The following PRKCE variants were observed in gnomAD, a reference collection of about 807,000 sequenced individuals.
The protein encoded by PRKCE is protein kinase C epsilon, also known as protein kinase C epsilon type.
In PRKCE, 16 loss-of-function variants were observed where a neutral mutation model predicts 85.4. That is an observed-to-expected ratio of 0.19 (90% CI 0.13 to 0.28). The LOEUF is 0.28. Among genes scored for constraint, PRKCE ranks in the 10% least tolerant of loss-of-function variants. The pLI is 1.00. For missense variants in PRKCE, 573 were observed against 975.2 expected (o/e 0.59, Z 5.49); for synonymous variants, 388 against 371.5 (o/e 1.04, Z -0.51).
At chr2:45,870,939 G>A (rs976638620) in intron 2 of PRKCE, among the ~76,000 whole-genome samples, 2 of 152,208 alleles carry the variant, frequency 1.3e-5, no homozygotes, top group African/African-American at 4.8e-5. Context: ...GGGGGAATGG[G>A]CTCCCCAGAA....
chr2:46,001,281 T>A lies in PRKCE; in HGVS notation c.824-123T>A. ...TATATATATATATATATTTCTGTAT[T>A]TTCCAAATTATATCTTAAATGAACA... On this transcript the variant is annotated intron_variant, in intron 6 of 14. Coordinates refer to ENST00000306156, the MANE Select transcript of PRKCE (RefSeq NM_005400.3). This position sits in a 1 kb window ranked among gnomAD's most constrained non-coding sequence, Gnocchi z 4.4. 2 of 768,554 alleles carry A rather than the reference T, an allele frequency of 2.6e-6. No individual in the cohort carries two copies. Among genetic ancestry groups the A allele is most frequent in the Non-Finnish European group, 3.5e-6 (2 of 572,064 alleles). The allele number at this position is 768,554 out of a possible 1,614,324, so 47.6% of individuals were successfully genotyped here. A position where few individuals can be genotyped will look rare whatever the true frequency, so the allele number is the denominator to read the frequency against.
intron 11 of PRKCE, among the ~76,000 whole-genome samples, chr2:46,088,042 C>A (rs1574438216): frequency 1.3e-5 from 2 of 152,136 alleles, no homozygotes; most frequent in East Asian, 1.9e-4. Context: ...TCTGCAAAAT[C>A]CCTTTGCCAT....
chr2:46,048,346 A>T (rs1338645227), intron 10 of PRKCE, among the ~76,000 whole-genome samples: 1 of 152,200 alleles, frequency 6.6e-6, no homozygotes, highest in Non-Finnish European at 1.5e-5. Flanking sequence ...GAAAAGTCTC[A>T]AGGGTATTAA....
At chr2:45,919,161 G>T (rs1189698242) in intron 2 of PRKCE, among the ~76,000 whole-genome samples, 1 of 152,228 alleles carries the variant, frequency 6.6e-6, no homozygotes, top group African/African-American at 2.4e-5. Flanking sequence ...AGATGAGTAG[G>T]GGTTGTGGGG....
In PRKCE at chr2:46,161,125, A is replaced by G. The variant is rs151102685; in HGVS notation, c.2067+1373A>G. Among the ~76,000 whole-genome samples, 18 of 152,360 alleles carry G rather than the reference A, an allele frequency of 1.2e-4. No individual in the cohort carries two copies. The East Asian group carries it at 1.4e-3, about 11-fold the overall frequency. On this transcript the variant is annotated intron_variant, in intron 14 of 14. Transcript: ENST00000306156. ...CCACCATTCCAAGCCAGGAGGGCGT[A>G]GACTCTAAGCTCCCTGGGTTAACTG...
chr2:45,976,394 A>G (rs748867422), intron 2 of PRKCE, 35 bp from the exon 3 acceptor site: 12 of 1,590,882 alleles, frequency 7.5e-6, no homozygotes, highest in Admixed American at 5.0e-5. Flanking sequence ...ACTAACCCAG[A>G]CTCCGTTTTC....
chr2:45,926,186 G>A (rs938528008), intron 2 of PRKCE, among the ~76,000 whole-genome samples: 5 of 152,184 alleles, frequency 3.3e-5, no homozygotes, highest in Non-Finnish European at 4.4e-5. Context: ...GCTGCTCAGC[G>A]GCTGACTGCT....
intron 10 of PRKCE, among the ~76,000 whole-genome samples, chr2:46,074,429 CAAAAAAAAAAAA>C (rs11287357): frequency 3.2e-5 from 3 of 93,862 alleles, no homozygotes; most frequent in South Asian, 8.1e-4. Context: ...CAACAACAAC[CAAAAAAAAAAAA>C]AAAAAAAGAA....
rs1431450618 is a variant in PRKCE, at chr2:45,651,729, C to G, written c.-372C>G. ...GTAGGTAAGCGCCGGGCGCGGCGCC[C>G]GCTTTCCCGCAGTCCGGAGCCGGAG... On this transcript the variant is annotated 5_prime_UTR_variant, in exon 1 of 15. Coordinates refer to ENST00000306156, the MANE Select transcript of PRKCE (RefSeq NM_005400.3). The G allele has an allele frequency of 5.7e-6, 1 of 175,844 alleles. No homozygotes were observed. Among genetic ancestry groups the G allele is most frequent in the African/African-American group, 2.4e-5 (1 of 42,324 alleles). 10.9% of individuals were successfully genotyped at this position (175,844 alleles called of 1,614,324 possible).
At chr2:46,018,298 C>T (rs1476728918) in intron 10 of PRKCE, among the ~76,000 whole-genome samples, 5 of 152,046 alleles carry the variant, frequency 3.3e-5, no homozygotes, top group Admixed American at 6.6e-5. Flanking sequence ...CATCATGGGG[C>T]GCCATGCTGC....
chr2:45,870,686 A>G (rs529470997), intron 2 of PRKCE, among the ~76,000 whole-genome samples: 1 of 152,330 alleles, frequency 6.6e-6, no homozygotes, highest in East Asian at 1.9e-4. Context: ...TTTTGGAGCC[A>G]GACACAGTTT....
At chr2:46,040,095 C>T (rs192429453) in intron 10 of PRKCE, among the ~76,000 whole-genome samples, 76 of 152,284 alleles carry the variant, frequency 5.0e-4, no homozygotes, top group Non-Finnish European at 6.9e-4. Flanking sequence ...CTGGAAGTTT[C>T]CTGAAGGCAG....
At position 46,080,333 on chromosome 2, in the gene PRKCE, T is replaced by TAA. The variant is rs11405320; in HGVS notation, c.1438-5869_1438-5868dup. 5.3e-5 allele frequency among the ~76,000 whole-genome samples: 8 copies of TAA among 152,070 alleles called. No homozygotes were observed. In the East Asian group the frequency reaches 9.7e-4, roughly 18 times the overall value. ...CTTGCTTTAAAACACCCTTAATGTG[T>TAA]AAAAAAAGAGTTGATCGTGCTTTGG... On this transcript the variant is annotated intron_variant, in intron 10 of 14. Transcript: ENST00000306156.
rs568906479 is a variant in PRKCE, at chr2:45,778,988, G to A, written c.349-64012G>A. ...GTGTCAGAGAAGCTGTTTTGTGTAC[G>A]CAGAACGATTGAAACAGGTGCAGGG... On this transcript the variant is annotated intron_variant, in intron 1 of 14. Coordinates refer to ENST00000306156, the MANE Select transcript of PRKCE (RefSeq NM_005400.3). Among the ~76,000 whole-genome samples, 8 of 152,298 alleles carry A rather than the reference G, an allele frequency of 5.3e-5. No individual in the cohort carries two copies. The East Asian group carries it at 1.5e-3, about 29-fold the overall frequency.
chr2:46,014,166 A>G (rs1705926864), intron 10 of PRKCE, among the ~76,000 whole-genome samples: 1 of 152,226 alleles, frequency 6.6e-6, no homozygotes, highest in Non-Finnish European at 1.5e-5. Flanking sequence ...CAGACAGAAC[A>G]ACAAATTAAG....
chr2:46,096,517 A>C (rs920751828), intron 11 of PRKCE, among the ~76,000 whole-genome samples: 5 of 152,176 alleles, frequency 3.3e-5, no homozygotes, highest in African/African-American at 1.2e-4. Context: ...GACCTAATCC[A>C]ATATGACTGA....
At chr2:45,664,380 T>C (rs982177958) in intron 1 of PRKCE, among the ~76,000 whole-genome samples, 1 of 152,244 alleles carries the variant, frequency 6.6e-6, no homozygotes, top group African/African-American at 2.4e-5. Flanking sequence ...AGCTACCTTA[T>C]AGCAAGTTTG....
At chr2:45,975,746 G>T (rs1702406663) in intron 2 of PRKCE, among the ~76,000 whole-genome samples, 1 of 152,204 alleles carries the variant, frequency 6.6e-6, no homozygotes, top group African/African-American at 2.4e-5. Context: ...GTATTGGGAA[G>T]ATCTTTTTGA....
intron 1 of PRKCE, among the ~76,000 whole-genome samples, chr2:45,781,769 T>C (rs1287379700): frequency 6.6e-6 from 1 of 152,190 alleles, no homozygotes; most frequent in African/African-American, 2.4e-5. Context: ...AGCTTCTCAT[T>C]ATCACTTTCC....
Sources: gnomAD v4.1 joint callset for allele counts (sites outside exome capture counted in the v4.1 genomes callset) on GRCh38, gnomAD v4.1.1 for gene constraint, Gnocchi (gnomAD v3.1) non-coding constraint, MANE v1.5 for transcripts, NCBI Gene and HGNC (gene_info 2026-07-23, HGNC 2026-07-21) for gene names.